Variants in SPATA7 observed in about 807,000 individuals in gnomAD.
SPATA7 encodes the protein spermatogenesis-associated protein 7.
SPATA7 carries 43 observed loss-of-function variants against 51.8 expected under a neutral mutation model. That is an observed-to-expected ratio of 0.83 (90% CI 0.65 to 1.07). The LOEUF (loss-of-function observed/expected upper bound fraction) is 1.07, where lower values mean the gene tolerates loss of function less well. Among genes scored for constraint, SPATA7 ranks in the 50% least tolerant of loss-of-function variants. SPATA7 has a pLI of 0.00. For missense variants in SPATA7, 683 were observed against 701.3 expected (o/e 0.97, Z 0.30); for synonymous variants, 230 against 252.8 (o/e 0.91, Z 0.86).
At chr14:88,407,477 A>ATTTG (rs2076229280) in intron 4 of SPATA7, among the ~76,000 whole-genome samples, 1 of 151,236 alleles carries the variant, frequency 6.6e-6, no homozygotes, top group Admixed American at 6.6e-5. Flanking sequence ...TTTCTTGTAA[A>ATTTG]TTTAAGTTCC....
chr14:88,402,427 A>G (rs1446838465), intron 4 of SPATA7, among the ~76,000 whole-genome samples: 2 of 21,450 alleles, frequency 9.3e-5, no homozygotes, highest in Non-Finnish European at 7.2e-4. Flanking sequence ...AACAGTATGG[A>G]ACTGGCAAAA....
At chr14:88,448,142 C>G (rs2077227083) in intron 3 of SPATA7, among the ~76,000 whole-genome samples, 1 of 152,172 alleles carries the variant, frequency 6.6e-6, no homozygotes, top group African/African-American at 2.4e-5. Context: ...TAGATTTGGT[C>G]TTTTCACATA....
intron 4 of SPATA7, chr14:88,465,992 A>G (rs896553512): frequency 2.0e-5 from 3 of 151,496 alleles, no homozygotes; most frequent in Admixed American, 6.6e-5. Flanking sequence ...TTGTTTTACA[A>G]TATGTTCTTG....
chr14:88,468,193 A>G, intron 4 of SPATA7: 1 of 1,613,064 alleles, frequency 6.2e-7, no homozygotes, highest in Non-Finnish European at 8.5e-7. Flanking sequence ...ACAAATGTGT[A>G]CTGGCAGAGA....
At chr14:88,442,026 G>A (rs2077181639), downstream of SPATA7, among the ~76,000 whole-genome samples, 1 of 152,134 alleles carries the variant, frequency 6.6e-6, no homozygotes, top group Non-Finnish European at 1.5e-5. Flanking sequence ...CATAAGGTGA[G>A]AGATGAGGAT....
chr14:88,405,814 T>G (rs1310365772), intron 4 of SPATA7, among the ~76,000 whole-genome samples: 2 of 152,198 alleles, frequency 1.3e-5, no homozygotes, highest in African/African-American at 4.8e-5. Flanking sequence ...AAGAGACAAT[T>G]TCAGGATAGA....
At chr14:88,388,404 C>T (rs1227976797) in intron 1 of SPATA7, among the ~76,000 whole-genome samples, 3 of 152,212 alleles carry the variant, frequency 2.0e-5, no homozygotes, top group Non-Finnish European at 4.4e-5. Flanking sequence ...CTAAGACCTT[C>T]AATCTCATTG....
intron 5 of SPATA7, among the ~76,000 whole-genome samples, chr14:88,421,009 C>T (rs1305416838): frequency 1.3e-5 from 2 of 151,666 alleles, no homozygotes; most frequent in African/African-American, 2.4e-5. Flanking sequence ...CCCAGCTACT[C>T]GGGAGGCTGA....
rs756730476 is a variant in SPATA7 at position 88,385,986 on chromosome 14, A to G, written c.19+149A>G. On this transcript the variant is annotated intron_variant, in intron 1 of 11. Coordinates refer to ENST00000393545, the MANE Select transcript of SPATA7 (RefSeq NM_018418.5). ...TCGCCAGTGTTGCCTGGAGCTGCCC[A>G]GGCCTGCGCAAAGGAAGAGGGAGAG... 16 of 1,503,580 alleles carry G rather than the reference A, an allele frequency of 1.1e-5. No individual in the cohort carries two copies. The South Asian group carries it at 1.8e-4, about 17-fold the overall frequency. The allele number at this position is 1,503,580 out of a possible 1,614,324, so 93.1% of individuals were successfully genotyped here.
chr14:88,461,607 T>C (rs113610688), intron 4 of SPATA7, among the ~76,000 whole-genome samples: 5,774 of 152,206 alleles, frequency 0.038, 357 homozygotes, highest in African/African-American at 0.13. Flanking sequence ...TGCCATCTGT[T>C]ACCACTTCCC....
chr14:88,419,427 G>T (rs1003441268), intron 5 of SPATA7, among the ~76,000 whole-genome samples: 1 of 133,952 alleles, frequency 7.5e-6, no homozygotes, highest in African/African-American at 2.8e-5. Flanking sequence ...TCCATTTTTT[G>T]ATCTTAATGT....
intron 5 of SPATA7, among the ~76,000 whole-genome samples, chr14:88,419,761 G>A (rs995055055): frequency 1.2e-4 from 19 of 152,060 alleles, no homozygotes; most frequent in South Asian, 4.2e-4. Flanking sequence ...TCCTGACCTC[G>A]TGATCTGCCT....
intron 4 of SPATA7, chr14:88,410,657 G>C (rs1254460636): frequency 6.5e-6 from 1 of 153,082 alleles, no homozygotes; most frequent in East Asian, 1.9e-4. Flanking sequence ...AGGCTTCTCT[G>C]CTGCAGGTCT....
At chr14:88,408,406 C>T (rs1207840924) in intron 4 of SPATA7, among the ~76,000 whole-genome samples, 2 of 151,522 alleles carry the variant, frequency 1.3e-5, no homozygotes, top group East Asian at 3.9e-4. Context: ...ATTTGGCTGT[C>T]TGTCTGTTGT....
intron 9 of SPATA7, 130 bp downstream of exon 9, chr14:88,431,355 A>G: frequency 1.2e-6 from 1 of 861,536 alleles, no homozygotes; most frequent in Non-Finnish European, 2.0e-6. Context: ...AAATGTACAT[A>G]TTCATGGAGT....
At chr14:88,410,827 C>CT (rs1388839088) in intron 4 of SPATA7, 5 of 154,248 alleles carry the variant, frequency 3.2e-5, no homozygotes, top group Non-Finnish European at 7.2e-5. Flanking sequence ...TATGAGGTGT[C>CT]TGTCAACCCC....
intron 3 of SPATA7, among the ~76,000 whole-genome samples, chr14:88,449,699 A>G (rs1340707823): frequency 2.6e-5 from 4 of 152,080 alleles, no homozygotes; most frequent in Non-Finnish European, 5.9e-5. Context: ...CTATTACTGT[A>G]TTAACATCTA....
chr14:88,445,580 G>A (rs1216005782), intron 3 of SPATA7, among the ~76,000 whole-genome samples: 1 of 150,584 alleles, frequency 6.6e-6, no homozygotes, highest in Non-Finnish European at 1.5e-5. Flanking sequence ...CAAAGGGAAT[G>A]CTTCCAGTTT....
intron 7 of SPATA7, chr14:88,428,933 T>A (rs2076867068): frequency 5.2e-6 from 1 of 193,658 alleles, no homozygotes; most frequent in South Asian, 9.2e-5. Flanking sequence ...TATTTTTGTT[T>A]GTTAATATTA....
Sources: allele counts gnomAD v4.1 joint callset (sites outside exome capture counted in the v4.1 genomes callset), GRCh38; gene constraint gnomAD v4.1.1; transcripts MANE v1.5; gene names NCBI Gene and HGNC (gene_info 2026-07-23, HGNC 2026-07-21).